The following TRPM3 variants were observed in gnomAD, a reference collection of about 807,000 sequenced individuals.
The protein encoded by TRPM3 is long transient receptor potential channel 3.
TRPM3 carries 77 observed loss-of-function variants against 181.2 expected under a neutral mutation model. The observed-to-expected ratio is 0.42, with a 90% CI of 0.35 to 0.51. The LOEUF (loss-of-function observed/expected upper bound fraction) is 0.51. TRPM3 is among the 20% of genes least tolerant of loss of function. The probability of loss-of-function intolerance (pLI) is 0.01; values close to 1 mark genes in which losing one functional copy is unlikely to be tolerated. For synonymous variants in TRPM3, 745 were observed against 796.4 expected, an observed-to-expected ratio of 0.94 and a Z score of 1.09; for missense variants, 1,759 against 2,196.7, an observed-to-expected ratio of 0.80 and a Z score of 3.98.
chr9:71,086,163 T>C (rs1480530123), intron 1 of TRPM3, among the ~76,000 whole-genome samples: 3 of 151,640 alleles, frequency 2.0e-5, no homozygotes, highest in African/African-American at 7.3e-5. Context: ...CTCAAGGACA[T>C]AAAGATGGCA....
intron 1 of TRPM3, among the ~76,000 whole-genome samples, chr9:71,427,617 G>A (rs2093887192): frequency 6.6e-6 from 1 of 152,194 alleles, no homozygotes; most frequent in Non-Finnish European, 1.5e-5. Flanking sequence ...CAGCAACTTG[G>A]ATGCAGGTGG....
intron 8 of TRPM3, among the ~76,000 whole-genome samples, chr9:70,740,041 G>C (rs953946148): frequency 6.6e-6 from 1 of 152,154 alleles, no homozygotes. Context: ...GTTGCCATTT[G>C]CTGATGATAT....
intron 1 of TRPM3, among the ~76,000 whole-genome samples, chr9:70,936,128 A>C (rs1318853587): frequency 6.6e-6 from 1 of 152,234 alleles, no homozygotes; most frequent in Non-Finnish European, 1.5e-5. Flanking sequence ...TTTATAATTT[A>C]CTGTCTTCAG....
chr9:70,924,565 A>T (rs1564774043), intron 1 of TRPM3, among the ~76,000 whole-genome samples: 1 of 152,208 alleles, frequency 6.6e-6, no homozygotes, highest in Non-Finnish European at 1.5e-5. Flanking sequence ...TCCTAGAAGT[A>T]CAATGACTGA....
chr9:71,209,381 G>GA, intron 1 of TRPM3, among the ~76,000 whole-genome samples: 1 of 73,966 alleles, frequency 1.4e-5, no homozygotes, highest in Non-Finnish European at 2.7e-5. Flanking sequence ...GGAGAAGAGG[G>GA]GGTAGGGAGA....
intron 1 of TRPM3, among the ~76,000 whole-genome samples, chr9:71,341,145 T>C (rs1433472267): frequency 1.3e-5 from 2 of 152,088 alleles, no homozygotes; most frequent in Non-Finnish European, 1.5e-5. Context: ...AATTGATATA[T>C]ATAGGAAGAA....
intron 25 of TRPM3, among the ~76,000 whole-genome samples, chr9:70,541,150 G>A (rs775779795): frequency 6.6e-6 from 1 of 152,144 alleles, no homozygotes; most frequent in Non-Finnish European, 1.5e-5. Flanking sequence ...TCTCTTCAGG[G>A]AAAGAGAGAA....
chr9:70,808,567 C>T (rs1177938232), intron 6 of TRPM3, among the ~76,000 whole-genome samples: 1 of 152,158 alleles, frequency 6.6e-6, no homozygotes, highest in African/African-American at 2.4e-5. Context: ...AGTAACTTTT[C>T]ATTAACAAGC....
intron 8 of TRPM3, among the ~76,000 whole-genome samples, chr9:70,750,785 G>A (rs530438707): frequency 1.3e-5 from 2 of 152,282 alleles, no homozygotes; most frequent in South Asian, 4.1e-4. Flanking sequence ...ACTGGAGGAT[G>A]TTGGATAGGC....
chr9:71,082,121 T>G (rs2064456513), intron 1 of TRPM3, among the ~76,000 whole-genome samples: 1 of 141,148 alleles, frequency 7.1e-6, no homozygotes, highest in African/African-American at 2.4e-5. Context: ...TAGTTAAGTG[T>G]GTGTTCAGTT....
upstream of TRPM3, among the ~76,000 whole-genome samples, chr9:71,122,508 A>G (rs1047126682): frequency 6.6e-6 from 1 of 152,190 alleles, no homozygotes; most frequent in African/African-American, 2.4e-5. Context: ...ACATCCTTGG[A>G]GCATCGCCAT....
intron 1 of TRPM3, among the ~76,000 whole-genome samples, chr9:70,965,253 T>C (rs1206904753): frequency 6.6e-6 from 1 of 152,060 alleles, no homozygotes; most frequent in Non-Finnish European, 1.5e-5. Context: ...TGAACATATT[T>C]ATGGCATTTT....
At chr9:70,929,909 G>A (rs1394874768) in intron 1 of TRPM3, among the ~76,000 whole-genome samples, 4 of 152,180 alleles carry the variant, frequency 2.6e-5, no homozygotes, top group Admixed American at 6.5e-5. Context: ...AGAAGACAGC[G>A]AAACTGGGGA....
intron 1 of TRPM3, among the ~76,000 whole-genome samples, chr9:71,181,434 T>C (rs923908671): frequency 6.7e-6 from 1 of 149,140 alleles, no homozygotes; most frequent in Non-Finnish European, 1.5e-5. Context: ...AACAAAACAA[T>C]AATCTGAGCC....
chr9:71,299,931 T>C (rs1003091986), intron 1 of TRPM3, among the ~76,000 whole-genome samples: 1 of 152,150 alleles, frequency 6.6e-6, no homozygotes, highest in Admixed American at 6.6e-5. Flanking sequence ...ATGGCATATT[T>C]ATATAGGGGA....
At chr9:71,243,206 T>C (rs769640287) in intron 1 of TRPM3, among the ~76,000 whole-genome samples, 18 of 152,192 alleles carry the variant, frequency 1.2e-4, no homozygotes, top group Non-Finnish European at 2.5e-4. Flanking sequence ...TACGCCCAGC[T>C]AATTTTTGTA....
At chr9:71,349,393 T>C (rs2091472339) in intron 1 of TRPM3, among the ~76,000 whole-genome samples, 1 of 152,140 alleles carries the variant, frequency 6.6e-6, no homozygotes, top group Non-Finnish European at 1.5e-5. Context: ...GAAATGTACA[T>C]TTTTAGAGGC....
intron 21 of TRPM3, among the ~76,000 whole-genome samples, chr9:70,592,823 C>A (rs138140376): frequency 2.7e-4 from 41 of 152,192 alleles, no homozygotes; most frequent in Middle Eastern, 6.8e-3. Flanking sequence ...CTCAGCCTCC[C>A]GGGTTTAAGC....
chr9:70,612,855 C>CTAAT (rs1192730289), intron 18 of TRPM3, among the ~76,000 whole-genome samples: 7 of 152,174 alleles, frequency 4.6e-5, no homozygotes, highest in African/African-American at 1.7e-4. Context: ...GCTTGAGAAT[C>CTAAT]TAATGCTATT....
Sources: gnomAD v4.1 joint callset for allele counts (sites outside exome capture counted in the v4.1 genomes callset) on GRCh38, gnomAD v4.1.1 for gene constraint, MANE v1.5 for transcripts, NCBI Gene and HGNC (gene_info 2026-07-23, HGNC 2026-07-21) for gene names.